The following TPRA1 variants were observed in gnomAD, a reference collection of about 807,000 sequenced individuals.
TPRA1 encodes transmembrane protein adipocyte-associated 1.
A neutral mutation model predicts 40.1 loss-of-function variants in TPRA1; 28 were observed. That is an observed-to-expected ratio of 0.70 (90% CI 0.52 to 0.96). The LOEUF (loss-of-function observed/expected upper bound fraction) is 0.96, where lower values mean the gene tolerates loss of function less well. Ranked by LOEUF, TPRA1 falls within the 40% of genes least tolerant of loss-of-function variation. The probability of loss-of-function intolerance (pLI) is 0.00; values close to 1 mark genes in which losing one functional copy is unlikely to be tolerated. For missense variants in TPRA1, 441 were observed against 482.6 expected, an observed-to-expected ratio of 0.91 and a Z score of 0.81; for synonymous variants, 219 against 209.7, an observed-to-expected ratio of 1.04 and a Z score of -0.38.
chr3:127,591,227 C>T (rs1236592104), upstream of TPRA1: 2 of 152,472 alleles, frequency 1.3e-5, no homozygotes, highest in Non-Finnish European at 2.9e-5. Flanking sequence ...GCGCTCCAGC[C>T]GCGCCACGCC....
At chr3:127,575,156 C>T in intron 10 of TPRA1, 29 bp downstream of exon 10, 2 of 1,609,962 alleles carry the variant, frequency 1.2e-6, no homozygotes, top group South Asian at 1.1e-5. Context: ...CCGGCAGCCA[C>T]GCGGGGGCGC....
intron 1 of TPRA1, among the ~76,000 whole-genome samples, chr3:127,597,192 G>A (rs1443679546): frequency 1.3e-5 from 2 of 152,026 alleles, no homozygotes; most frequent in Non-Finnish European, 2.9e-5. Flanking sequence ...CCTACCCTGG[G>A]TCCCAGGCAG....
chr3:127,578,186 T>G (rs1252595022), intron 3 of TPRA1, among the ~76,000 whole-genome samples: 1 of 152,220 alleles, frequency 6.6e-6, no homozygotes, highest in Non-Finnish European at 1.5e-5. Flanking sequence ...TTTTGTGCCA[T>G]GAGAAATTGT....
chr3:127,585,838 A>C (rs572188064), intron 1 of TPRA1, among the ~76,000 whole-genome samples: 115 of 152,246 alleles, frequency 7.6e-4, no homozygotes, highest in Non-Finnish European at 1.1e-3. Context: ...AGTCTCCATT[A>C]ATTTCAGCCA....
chr3:127,575,600 G>T, intron 8 of TPRA1, 95 bp from the exon 9 acceptor site: 5 of 1,463,768 alleles, frequency 3.4e-6, no homozygotes, highest in Non-Finnish European at 1.9e-6. Flanking sequence ...TGTGTCCCCC[G>T]GGGCCCCTCT....
chr3:127,581,349 A>G (rs889546217), intron 1 of TPRA1, among the ~76,000 whole-genome samples: 1 of 152,222 alleles, frequency 6.6e-6, no homozygotes, highest in African/African-American at 2.4e-5. Context: ...CATAAAAAGA[A>G]CAACCCACTG....
chr3:127,594,995 G>A (rs1216377232), upstream of TPRA1: 1 of 152,340 alleles, frequency 6.6e-6, no homozygotes, highest in African/African-American at 2.4e-5. Flanking sequence ...CTGTTGGCTG[G>A]GGTCCCAGCT....
At chr3:127,597,745 A>G (rs1240914426) in intron 1 of TPRA1, among the ~76,000 whole-genome samples, 1 of 152,142 alleles carries the variant, frequency 6.6e-6, no homozygotes. Context: ...GCTTTGGGAG[A>G]AGTTAAACCA....
At chr3:127,594,167 T>C (rs2074220465), upstream of TPRA1, among the ~76,000 whole-genome samples, 1 of 152,222 alleles carries the variant, frequency 6.6e-6, no homozygotes, top group Non-Finnish European at 1.5e-5. Flanking sequence ...GGTCTGGTGG[T>C]GTGGGGCACA....
At chr3:127,583,805 G>A (rs990978572) in intron 1 of TPRA1, among the ~76,000 whole-genome samples, 89 of 151,954 alleles carry the variant, frequency 5.9e-4, no homozygotes, top group Non-Finnish European at 1.1e-3. Flanking sequence ...CGAGTAGCTG[G>A]GGCTACAGGC....
chr3:127,579,636 G>T, intron 3 of TPRA1, 104 bp downstream of exon 3: 1 of 1,304,058 alleles, frequency 7.7e-7, no homozygotes, highest in Non-Finnish European at 1.1e-6. Flanking sequence ...TTAACTGCCT[G>T]GATCCAGCCA....
upstream of TPRA1, among the ~76,000 whole-genome samples, chr3:127,592,313 C>T (rs1473175796): frequency 2.0e-5 from 3 of 150,332 alleles, no homozygotes; most frequent in Admixed American, 6.7e-5. Flanking sequence ...TGTATCGGTT[C>T]GAACCCTGCG....
intron 1 of TPRA1, among the ~76,000 whole-genome samples, chr3:127,583,645 G>A (rs2073903411): frequency 6.6e-6 from 1 of 152,008 alleles, no homozygotes; most frequent in Non-Finnish European, 1.5e-5. Flanking sequence ...TTGGGAGGGG[G>A]GCAAAGAAGC....
At chr3:127,592,531 G>A (rs563163107), upstream of TPRA1, among the ~76,000 whole-genome samples, 925 of 151,358 alleles carry the variant, frequency 6.1e-3, 8 homozygotes, top group Non-Finnish European at 0.011. Context: ...GACTACAGGC[G>A]CCCGCCACCG....
upstream of TPRA1, among the ~76,000 whole-genome samples, chr3:127,593,071 A>G (rs1463884519): frequency 6.6e-6 from 1 of 152,122 alleles, no homozygotes; most frequent in Non-Finnish European, 1.5e-5. Flanking sequence ...TCTTCTCTTG[A>G]GTTTTGAACC....
intron 1 of TPRA1, chr3:127,580,419 G>A: frequency 2.3e-6 from 1 of 430,392 alleles, no homozygotes; most frequent in Non-Finnish European, 4.3e-6. Context: ...CCTCAGCTAA[G>A]CATCTCCATG....
intron 1 of TPRA1, among the ~76,000 whole-genome samples, chr3:127,586,610 G>A (rs2074009455): frequency 1.3e-5 from 2 of 152,194 alleles, no homozygotes; most frequent in South Asian, 4.1e-4. Context: ...CCACCTGCCT[G>A]AGCCTCCCAA....
In TPRA1 at chr3:127,573,448, C is replaced by T. The variant is rs370301877; in HGVS notation, c.*73G>A. 2.9e-5 allele frequency: 45 copies of T among 1,525,792 alleles called. No individual in the cohort carries two copies. In the East Asian group the frequency reaches 8.0e-4, roughly 27 times the overall value. 94.5% of individuals were successfully genotyped at this position (1,525,792 alleles called of 1,614,324 possible). On this transcript the variant is annotated 3_prime_UTR_variant, in exon 11 of 11. Transcript: ENST00000355552. ...CCCACAGAACGTCCCTTGACCTGGT[C>T]CTCCTCCCCTGGGGACTCTGGGCCT...
intron 3 of TPRA1, among the ~76,000 whole-genome samples, chr3:127,578,839 T>C (rs777378671): frequency 5.2e-4 from 79 of 152,194 alleles, no homozygotes; most frequent in Non-Finnish European, 8.7e-4. Flanking sequence ...TCAGCTCTCA[T>C]GTGGTGGTAT....
Sources: gnomAD v4.1 joint callset for allele counts (sites outside exome capture counted in the v4.1 genomes callset) on GRCh38, gnomAD v4.1.1 for gene constraint, MANE v1.5 for transcripts, NCBI Gene and HGNC (gene_info 2026-07-23, HGNC 2026-07-21) for gene names.